The following PDE4C variants were observed in gnomAD, a reference collection of about 807,000 sequenced individuals.
PDE4C encodes phosphodiesterase 4C.
Under a neutral mutation model 63.9 loss-of-function variants are expected in PDE4C, and 50 were observed. The ratio of observed to expected loss-of-function variants is 0.78; its 90% CI spans 0.62 to 0.99. The LOEUF is 0.99. Among genes scored for constraint, PDE4C ranks in the 50% least tolerant of loss-of-function variants. PDE4C has a pLI of 0.00. For synonymous variants in PDE4C, 377 were observed against 385.1 expected, an observed-to-expected ratio of 0.98 and a Z score of 0.25; for missense variants, 777 against 899.1, an observed-to-expected ratio of 0.86 and a Z score of 1.74.
intron 1 of PDE4C, among the ~76,000 whole-genome samples, chr19:18,246,008 T>C (rs979825701): frequency 1.4e-5 from 2 of 145,438 alleles, no homozygotes; most frequent in African/African-American, 2.6e-5. Flanking sequence ...CATGCCCAGC[T>C]AATTTTTTTT....
chr19:18,252,774 C>T (rs140024811), upstream of PDE4C, among the ~76,000 whole-genome samples: 2,237 of 152,192 alleles, frequency 0.015, 46 homozygotes, highest in African/African-American at 0.051. Flanking sequence ...TGCATTACCA[C>T]GCCTGGCTAA....
rs140779286 is a variant in PDE4C, at chr19:18,215,335, C to T, written c.1389+1406G>A. Among the ~76,000 whole-genome samples, 498 of 152,262 alleles carry T rather than the reference C, an allele frequency of 3.3e-3. 3 individuals are homozygous for T. Among genetic ancestry groups the T allele is most frequent in the African/African-American group, 0.011 (442 of 41,534 alleles). On this transcript the variant is annotated intron_variant, in intron 12 of 14. Transcript: ENST00000262805. ...GCACCTTGAACCTTCCTCCTCACAG[C>T]TCTGCCTGCAGGTCCCTAGTCAAGG...
chr19:18,215,952 C>T (rs1968177401), intron 12 of PDE4C, among the ~76,000 whole-genome samples: 2 of 151,418 alleles, frequency 1.3e-5, no homozygotes, highest in African/African-American at 4.9e-5. Context: ...GCCTCAGCCT[C>T]CCAAGTATCT....
chr19:18,220,111 G>A lies in PDE4C; in HGVS notation c.706+115C>T, dbSNP rs1289206976. ...GATCCAGCCCTGACTCATGGGGGCTGAAGGTGTCTGTGTCTGGCTGTATCT... is the reference window on the plus strand; with the variant it reads ...GATCCAGCCCTGACTCATGGGGGCTAAAGGTGTCTGTGTCTGGCTGTATCT... On this transcript the variant is annotated intron_variant, in intron 7 of 14. Coordinates refer to ENST00000262805, the Ensembl canonical transcript of PDE4C. The surrounding 1 kb of genome is among the most constrained non-coding windows in gnomAD (Gnocchi z 5.1). 6.1e-6 allele frequency: 5 copies of A among 825,006 alleles called. No individual in the cohort carries two copies. The highest frequency in any genetic ancestry group is 1.0e-5 in the Non-Finnish European group (5 of 482,638). The allele number at this position is 825,006 out of a possible 1,614,324, so 51.1% of individuals were successfully genotyped here. A position where few individuals can be genotyped will look rare whatever the true frequency, so the allele number is the denominator to read the frequency against.
chr19:18,240,776 C>A (rs1969022783), intron 1 of PDE4C, among the ~76,000 whole-genome samples: 1 of 152,150 alleles, frequency 6.6e-6, no homozygotes, highest in Admixed American at 6.5e-5. Context: ...TAATCAGGAC[C>A]AGAGCCAGGG....
chr19:18,237,802 G>A (rs271833), upstream of PDE4C, among the ~76,000 whole-genome samples: 102,855 of 148,542 alleles, frequency 0.69, 35,778 homozygotes, highest in East Asian at 0.86. Context: ...GAACCCGGGA[G>A]GTGGAGCTTG....
rs147278025 is a variant in PDE4C at position 18,215,126 on chromosome 19, C to T, written c.1389+1615G>A. Among the ~76,000 whole-genome samples the T allele has an allele frequency of 3.0e-3, 461 of 152,242 alleles. 7 individuals are homozygous for T. The South Asian group carries it at 0.036, about 12-fold the overall frequency. ...CCCTGTGGGTACCCACCACTCAAGA[C>T]CCCAACTCCACCTCACCAAACGTTT... On this transcript the variant is annotated intron_variant, in intron 12 of 14. Coordinates refer to ENST00000262805, the Ensembl canonical transcript of PDE4C.
the PDE4C span, chr19:18,255,332 C>T: frequency 1.0e-5 from 4 of 393,674 alleles, no homozygotes; most frequent in African/African-American, 4.5e-5. The surrounding 1 kb of genome is among the most constrained non-coding windows in gnomAD (Gnocchi z 4.6). Context: ...GGCCTGCCAC[C>T]GGCTCTGCAC....
chr19:18,225,917 C>T (rs1968699683), intron 1 of PDE4C: 1 of 210,746 alleles, frequency 4.7e-6, no homozygotes, highest in South Asian at 6.9e-5. Flanking sequence ...CCAGGACGCA[C>T]AGCCTGCCTG....
chr19:18,253,532 C>T, the PDE4C span, among the ~76,000 whole-genome samples: 1 of 136,856 alleles, frequency 7.3e-6, no homozygotes, highest in Non-Finnish European at 1.5e-5. Context: ...GCCTAGGCAA[C>T]AGAGTGAGAC....
upstream of PDE4C, among the ~76,000 whole-genome samples, chr19:18,238,382 C>T (rs574097900): frequency 5.9e-5 from 9 of 151,706 alleles, no homozygotes; most frequent in African/African-American, 2.2e-4. Flanking sequence ...ATTACAGGTG[C>T]CCACCACCAC....
intron 1 of PDE4C, among the ~76,000 whole-genome samples, chr19:18,224,667 G>A (rs968278319): frequency 7.2e-5 from 11 of 152,348 alleles, no homozygotes; most frequent in East Asian, 3.9e-4. Context: ...GTTCGGTCAC[G>A]TCCGGCTACA....
At chr19:18,241,136 T>A (rs1969027991) in intron 1 of PDE4C, among the ~76,000 whole-genome samples, 1 of 151,736 alleles carries the variant, frequency 6.6e-6, no homozygotes, top group Non-Finnish European at 1.5e-5. Flanking sequence ...TGGGAGGGTG[T>A]GTCGGGAATG....
chr19:18,211,801 A>G, exon 14 of PDE4C: 1 of 1,614,182 alleles, frequency 6.2e-7, no homozygotes, highest in Non-Finnish European at 8.5e-7. Context: ...CACACATGGG[A>G]CTGATGTCCA....
chr19:18,219,187 G>C, intron 8 of PDE4C, 47 bp downstream of exon 8: 1 of 1,612,844 alleles, frequency 6.2e-7, no homozygotes, highest in Non-Finnish European at 8.5e-7. Context: ...CATCCAGACA[G>C]AGCCAGGGAC....
upstream of PDE4C, among the ~76,000 whole-genome samples, chr19:18,249,637 G>A (rs185768536): frequency 4.7e-3 from 695 of 146,500 alleles, 1 homozygote; most frequent in Non-Finnish European, 5.8e-3. Context: ...ACAATGGGGC[G>A]ATCTCAGCTC....
upstream of PDE4C, among the ~76,000 whole-genome samples, chr19:18,235,543 G>C (rs149321612): frequency 3.6e-3 from 548 of 152,140 alleles, 5 homozygotes; most frequent in African/African-American, 0.013. Context: ...TCCCACCCTG[G>C]TCCAAGCACC....
chr19:18,236,659 A>G (rs913769469), upstream of PDE4C, among the ~76,000 whole-genome samples: 4 of 152,162 alleles, frequency 2.6e-5, no homozygotes, highest in African/African-American at 9.7e-5. Context: ...TCTGCCTGGT[A>G]TGATCTGTCT....
At chr19:18,226,358 G>A in exon 1 of PDE4C, 1 of 1,516,794 alleles carries the variant, frequency 6.6e-7, no homozygotes, top group Non-Finnish European at 8.8e-7. Flanking sequence ...GAGCCGCGCG[G>A]GGATCCCCGA....
Sources: allele counts gnomAD v4.1 joint callset (sites outside exome capture counted in the v4.1 genomes callset), GRCh38; gene constraint gnomAD v4.1.1; non-coding constraint Gnocchi (gnomAD v3.1); transcripts MANE v1.5; gene names NCBI Gene and HGNC (gene_info 2026-07-23, HGNC 2026-07-21).